BPTF: variants seen among roughly 807,000 people sequenced by gnomAD.
BPTF encodes the protein bromodomain PHD finger transcription factor.
In BPTF, 18 loss-of-function variants were observed where a neutral mutation model predicts 292.5. The ratio of observed to expected loss-of-function variants is 0.06; its 90% CI spans 0.04 to 0.09. BPTF has a LOEUF of 0.09. Among genes scored for constraint, BPTF ranks in the 10% least tolerant of loss-of-function variants. The pLI is 1.00. For missense variants in BPTF, 2,726 were observed against 3,498.7 expected, an observed-to-expected ratio of 0.78 and a Z score of 5.57; for synonymous variants, 1,225 against 1,251.9, an observed-to-expected ratio of 0.98 and a Z score of 0.45.
At chr17:67,914,707 C>T (rs1320682891) in intron 11 of BPTF, among the ~76,000 whole-genome samples, 1 of 152,174 alleles carries the variant, frequency 6.6e-6, no homozygotes, top group East Asian at 1.9e-4. Flanking sequence ...TCTCTGAACT[C>T]TCCAGGAGAG....
chr17:67,899,402 C>T (rs886488549), intron 7 of BPTF, among the ~76,000 whole-genome samples: 13 of 152,134 alleles, frequency 8.5e-5, no homozygotes, highest in African/African-American at 3.1e-4. Context: ...CAAAAGAGGT[C>T]TGTAAACTTT....
At chr17:67,952,049 T>C (rs1249254089) in intron 23 of BPTF, among the ~76,000 whole-genome samples, 1 of 77,042 alleles carries the variant, frequency 1.3e-5, no homozygotes, top group Non-Finnish European at 2.7e-5. Context: ...AGTGAGACTC[T>C]GTCTCAAAAA....
At chr17:67,918,629 C>T in intron 11 of BPTF, 85 bp from the exon 12 acceptor site, 2 of 1,300,982 alleles carry the variant, frequency 1.5e-6, no homozygotes, top group Admixed American at 2.0e-5. Flanking sequence ...AAACACAGCC[C>T]TTCAGTTTAG....
intron 11 of BPTF, among the ~76,000 whole-genome samples, chr17:67,917,316 G>A (rs1296144944): frequency 6.6e-6 from 1 of 151,490 alleles, no homozygotes; most frequent in African/African-American, 2.4e-5. Flanking sequence ...GTAGAGATGG[G>A]GTTTCACTAT....
chr17:67,947,814 G>A lies in BPTF; in HGVS notation c.7700+6G>A. 1 of 1,551,410 alleles carries A rather than the reference G, an allele frequency of 6.4e-7. No individual in the cohort carries two copies. Among genetic ancestry groups the A allele is most frequent in the Non-Finnish European group, 8.7e-7 (1 of 1,146,722 alleles). ...GAAAGAGAAGAGAATCAAAGGTAGG[G>A]GAGACGCAGGGTCTTGTTGTCTGTC... On this transcript the variant is annotated splice_donor_region_variant and intron_variant, in intron 22 of 27. Coordinates refer to ENST00000306378, the MANE Select transcript of BPTF (RefSeq NM_182641.4).
Position 67,948,173 on chromosome 17 carries a change from G to T in BPTF, c.7793G>T (p.Ser2598Ile), listed in dbSNP as rs1555676467. ...GCAAAAAAACGGAAGCGTGAAGAGA[G>T]TGTGGAGCAGAAACGTAGCAAGCAG... The part of the protein sequence containing the change: ...QAAKKRKREE[S>I]VEQKRSKQNA... The change falls in exon 23 of 28, where the codon AGT (serine) becomes ATT (isoleucine). Residue 2598 changes from serine to isoleucine, a missense_variant. Physicochemically the swap from Ser to Ile is moderately radical, Grantham distance 142. This residue lies in a region of BPTF where 26 missense variants were observed against 60.6 expected (regional missense o/e 0.43). Transcript: ENST00000306378. 6.2e-7 allele frequency: 1 copy of T among 1,614,196 alleles called. No individual in the cohort carries two copies.
Position 67,909,462 on chromosome 17 carries a change from T to A in BPTF, c.2813-120T>A, listed in dbSNP as rs553457142. On this transcript the variant is annotated intron_variant, in intron 9 of 27. Coordinates refer to ENST00000306378, the MANE Select transcript of BPTF (RefSeq NM_182641.4). ...AAGACCTTTGTCTTTTTTTTTTTTTTAAATGAAAAAATGAAACATAACTTG... is the reference window on the plus strand; with the variant it reads ...AAGACCTTTGTCTTTTTTTTTTTTTAAAATGAAAAAATGAAACATAACTTG... 7.1e-4 allele frequency: 476 copies of A among 666,980 alleles called. 3 individuals are homozygous for A. In the East Asian group the frequency reaches 8.4e-3, roughly 12 times the overall value. The allele number at this position is 666,980 out of a possible 1,614,324, so 41.3% of individuals were successfully genotyped here.
At chr17:67,940,324 C>A in intron 18 of BPTF, 115 bp from the exon 19 acceptor site, 1 of 952,698 alleles carries the variant, frequency 1.0e-6, no homozygotes, top group Non-Finnish European at 1.6e-6. Flanking sequence ...CTCTGAATAT[C>A]CCAGTGTTTT....
At position 67,862,438 on chromosome 17, in the gene BPTF, C is replaced by T. The variant is rs557787520; in HGVS notation, c.1437-4026C>T. On this transcript the variant is annotated intron_variant, in intron 2 of 27. Transcript: ENST00000306378. ...GCATCTTCCAGGATATGTACCGTCA[C>T]CCTATTTTTCAGATGGAGAGACTGA... Among the ~76,000 whole-genome samples, 15 of 152,222 alleles carry T rather than the reference C, an allele frequency of 9.9e-5. No individual in the cohort carries two copies. In the East Asian group the frequency reaches 2.7e-3, roughly 27 times the overall value.
At chr17:67,883,678 C>G (rs1197000939) in intron 4 of BPTF, among the ~76,000 whole-genome samples, 1 of 152,148 alleles carries the variant, frequency 6.6e-6, no homozygotes, top group Non-Finnish European at 1.5e-5. Flanking sequence ...TGGCTCACAG[C>G]AACCTCCGCC....
intron 26 of BPTF, among the ~76,000 whole-genome samples, chr17:67,971,287 C>A (rs1555690723): frequency 1.3e-5 from 2 of 151,758 alleles, no homozygotes; most frequent in African/African-American, 2.4e-5. Context: ...CCATGTTGGC[C>A]AGGCTGATCT....
intron 1 of BPTF, among the ~76,000 whole-genome samples, chr17:67,833,823 C>G (rs1459356983): frequency 6.6e-6 from 1 of 152,124 alleles, no homozygotes; most frequent in Non-Finnish European, 1.5e-5. Context: ...CCGCCTTGGC[C>G]TCCCAAAGTG....
chr17:67,834,164 G>A (rs1404808156), intron 1 of BPTF, among the ~76,000 whole-genome samples: 1 of 152,052 alleles, frequency 6.6e-6, no homozygotes, highest in East Asian at 1.9e-4. Context: ...TTTCCCACCC[G>A]TATAACCTCC....
chr17:67,836,611 G>A (rs1329291245), intron 1 of BPTF, among the ~76,000 whole-genome samples: 1 of 152,124 alleles, frequency 6.6e-6, no homozygotes, highest in African/African-American at 2.4e-5. Context: ...TATTCATAGA[G>A]CCTCAAAATA....
intron 1 of BPTF, among the ~76,000 whole-genome samples, chr17:67,827,776 A>G (rs1311996868): frequency 1.3e-5 from 2 of 152,120 alleles, no homozygotes; most frequent in Non-Finnish European, 2.9e-5. Context: ...ATAACTGAAA[A>G]AAGGTAATTT....
intron 3 of BPTF, among the ~76,000 whole-genome samples, chr17:67,867,068 TC>T (rs1200839098): frequency 6.6e-6 from 1 of 152,246 alleles, no homozygotes; most frequent in Non-Finnish European, 1.5e-5. Context: ...CGTATGTGGT[TC>T]CTGGTGGACC....
chr17:67,950,170 G>C (rs1555677886), intron 23 of BPTF, among the ~76,000 whole-genome samples: 1 of 151,474 alleles, frequency 6.6e-6, no homozygotes, highest in African/African-American at 2.4e-5. Flanking sequence ...AGGCCGAGGC[G>C]GGCAGATCAC....
chr17:67,899,705 A>AT (rs1449146948), intron 7 of BPTF, among the ~76,000 whole-genome samples: 3 of 151,610 alleles, frequency 2.0e-5, no homozygotes, highest in African/African-American at 7.3e-5. Flanking sequence ...TAATTTTTGT[A>AT]TTTTTAGTAG....
intron 2 of BPTF, among the ~76,000 whole-genome samples, chr17:67,855,423 A>G (rs2058632255): frequency 6.6e-6 from 1 of 152,164 alleles, no homozygotes; most frequent in Admixed American, 6.5e-5. Context: ...GGGTTGTTTT[A>G]CTTCTTTTTT....
Sources: gnomAD v4.1 joint callset for allele counts (sites outside exome capture counted in the v4.1 genomes callset) on GRCh38, gnomAD v4.1.1 for gene constraint, gnomAD v4.1.1 regional missense constraint, MANE v1.5 for transcripts, NCBI Gene and HGNC (gene_info 2026-07-23, HGNC 2026-07-21) for gene names.